The following ARFGEF3 variants were observed in gnomAD, a reference collection of about 807,000 sequenced individuals.
ARFGEF3 encodes the protein ARFGEF family member 3, also known as brefeldin A-inhibited guanine nucleotide-exchange protein 3.
ARFGEF3 carries 96 observed loss-of-function variants against 221.7 expected under a neutral mutation model. That is an observed-to-expected ratio of 0.43 (90% confidence interval 0.37 to 0.51). The LOEUF (loss-of-function observed/expected upper bound fraction) is 0.51, where lower values mean the gene tolerates loss of function less well. Ranked by LOEUF, ARFGEF3 falls within the 20% of genes least tolerant of loss-of-function variation. The pLI, the probability that ARFGEF3 is intolerant of heterozygous loss-of-function variation, is 0.00. For missense variants in ARFGEF3, 2,410 were observed against 2,789.9 expected, an observed-to-expected ratio of 0.86 and a Z score of 3.07; for synonymous variants, 1,145 against 1,126.8, an observed-to-expected ratio of 1.02 and a Z score of -0.32.
chr6:138,219,868 A>G (rs184763795), intron 4 of ARFGEF3, among the ~76,000 whole-genome samples: 2 of 152,320 alleles, frequency 1.3e-5, no homozygotes, highest in African/African-American at 4.8e-5. Flanking sequence ...CATTATGGGC[A>G]TTCCAAAAGA....
At chr6:138,181,321 A>G (rs1777076175) in intron 2 of ARFGEF3, among the ~76,000 whole-genome samples, 1 of 152,190 alleles carries the variant, frequency 6.6e-6, no homozygotes, top group Non-Finnish European at 1.5e-5. Flanking sequence ...ATGGCCACTC[A>G]TCCTCTCTTT....
At chr6:138,225,119 A>G (rs1410079706) in intron 4 of ARFGEF3, among the ~76,000 whole-genome samples, 14 of 152,198 alleles carry the variant, frequency 9.2e-5, no homozygotes, top group Non-Finnish European at 5.9e-5. Flanking sequence ...TGCCACGGGA[A>G]CAACTAGGAT....
intron 4 of ARFGEF3, among the ~76,000 whole-genome samples, chr6:138,213,412 C>A (rs964962743): frequency 6.7e-6 from 1 of 150,214 alleles, no homozygotes; most frequent in African/African-American, 2.5e-5. Context: ...GAGCCGAGAT[C>A]GTACCACTGC....
chr6:138,336,532 A>G lies in ARFGEF3; in HGVS notation c.*46A>G. The G allele has an allele frequency of 6.7e-7, 1 of 1,497,650 alleles. No homozygotes were observed. Among genetic ancestry groups the G allele is most frequent in the South Asian group, 1.3e-5 (1 of 77,422 alleles). The allele number at this position is 1,497,650 out of a possible 1,614,324, so 92.8% of individuals were successfully genotyped here. ...CCACCAAATAACAGTAGTGAGGGTT[A>G]GAGTCCTGCCAATACAGCTGTTGCA... is the stretch of plus-strand genomic sequence containing the variant. On this transcript the variant is annotated 3_prime_UTR_variant, in exon 34 of 34. Coordinates refer to ENST00000251691, the MANE Select transcript of ARFGEF3 (RefSeq NM_020340.5).
At chr6:138,331,673 C>A (rs1780229876) in intron 32 of ARFGEF3, among the ~76,000 whole-genome samples, 1 of 152,218 alleles carries the variant, frequency 6.6e-6, no homozygotes, top group African/African-American at 2.4e-5. Context: ...AGTCTGGAGG[C>A]TGGCTTTCCT....
chr6:138,265,610 G>T (rs1255289550), intron 12 of ARFGEF3, among the ~76,000 whole-genome samples: 1 of 151,952 alleles, frequency 6.6e-6, no homozygotes, highest in Non-Finnish European at 1.5e-5. Flanking sequence ...TGTGTTTTGT[G>T]CATGTTTGTG....
chr6:138,195,567 CA>C (rs1225056831), intron 2 of ARFGEF3, among the ~76,000 whole-genome samples: 5 of 151,898 alleles, frequency 3.3e-5, no homozygotes, highest in Non-Finnish European at 5.9e-5. Flanking sequence ...TTTCCTGTGT[CA>C]AAAAAACTTT....
chr6:138,206,194 G>A (rs1777622137), intron 2 of ARFGEF3, among the ~76,000 whole-genome samples: 2 of 152,166 alleles, frequency 1.3e-5, no homozygotes, highest in Admixed American at 6.5e-5. Context: ...GGGAAATAAT[G>A]GGTTGATTAA....
rs1359899084 is a variant in ARFGEF3, at chr6:138,255,390, C to G, written c.771-46C>G. ...TGTTTACTCGCAGAGTAAATTTTAT[C>G]ATTTGGCTCGTGGGGAAAGTTACTT... On this transcript the variant is annotated intron_variant, in intron 9 of 33. Coordinates refer to ENST00000251691, the MANE Select transcript of ARFGEF3 (RefSeq NM_020340.5). 7 of 1,408,176 alleles carry G rather than the reference C, an allele frequency of 5.0e-6. No individual in the cohort carries two copies. In the African/African-American group the frequency reaches 1.0e-4, roughly 20 times the overall value. 87.2% of individuals were successfully genotyped at this position (1,408,176 alleles called of 1,614,324 possible). A position where few individuals can be genotyped will look rare whatever the true frequency, so the allele number is the denominator to read the frequency against.
At chr6:138,210,783 A>G (rs1252439603) in intron 4 of ARFGEF3, among the ~76,000 whole-genome samples, 2 of 152,226 alleles carry the variant, frequency 1.3e-5, no homozygotes, top group Non-Finnish European at 2.9e-5. Flanking sequence ...ATGTTGAGAA[A>G]TATTCAGGAA....
intron 4 of ARFGEF3, among the ~76,000 whole-genome samples, chr6:138,221,688 T>C (rs956064518): frequency 1.3e-5 from 2 of 148,292 alleles, no homozygotes; most frequent in Non-Finnish European, 3.0e-5. Flanking sequence ...TTTCTGTGAC[T>C]ATCACTGTTA....
At position 138,280,034 on chromosome 6, in the gene ARFGEF3, G is replaced by A. The variant is rs938033459; in HGVS notation, c.2331G>A (p.Val777=). 9.3e-6 allele frequency: 15 copies of A among 1,613,834 alleles called. No homozygotes were observed. The highest frequency in any genetic ancestry group is 1.3e-5 in the African/African-American group (1 of 74,936). Residue 777 remains valine (V), a synonymous_variant, in exon 14 of 34, where the codon GTG becomes GTA. Coordinates refer to ENST00000251691, the MANE Select transcript of ARFGEF3 (RefSeq NM_020340.5). ...TGAAGCAGGTGCAGACCAGCGGCGT[G>A]CTGATGGTCTTCTCTCAGGCCTGGA... ...DFMKQVQTSG[V]LMVFSQAWIE...
chr6:138,255,926 G>A (rs921999013), intron 10 of ARFGEF3, among the ~76,000 whole-genome samples, 157 bp downstream of exon 10: 11 of 152,174 alleles, frequency 7.2e-5, no homozygotes, highest in South Asian at 6.2e-4. Context: ...GAGTCAGTGC[G>A]TGTGTACATG....
chr6:138,287,438 G>A (rs1370519280), intron 17 of ARFGEF3, among the ~76,000 whole-genome samples: 1 of 152,218 alleles, frequency 6.6e-6, no homozygotes, highest in Non-Finnish European at 1.5e-5. Context: ...AGGCCCAGGG[G>A]GACCCACCTG....
chr6:138,179,968 C>G (rs537727162), intron 2 of ARFGEF3, among the ~76,000 whole-genome samples: 1 of 152,096 alleles, frequency 6.6e-6, no homozygotes, highest in Non-Finnish European at 1.5e-5. Flanking sequence ...TGGCACCATG[C>G]CCAGTTAATT....
chr6:138,239,031 G>C lies in ARFGEF3; in HGVS notation c.543+400G>C, dbSNP rs181334671. 2.3e-4 allele frequency among the ~76,000 whole-genome samples: 35 copies of C among 152,302 alleles called. No homozygotes were observed. The East Asian group carries it at 5.6e-3, about 24-fold the overall frequency. On this transcript the variant is annotated intron_variant, in intron 6 of 33. Transcript: ENST00000251691. Reference sequence around the variant, plus strand: ...GTATGTTTCCCTTTGTTAACTAAAAGATGGTGGCAGGAGGCCTCCTTCACC... The same window carrying C: ...GTATGTTTCCCTTTGTTAACTAAAACATGGTGGCAGGAGGCCTCCTTCACC...
chr6:138,240,214 G>A (rs1778368992), intron 6 of ARFGEF3, among the ~76,000 whole-genome samples: 1 of 151,942 alleles, frequency 6.6e-6, no homozygotes, highest in Non-Finnish European at 1.5e-5. Context: ...TACATAAATA[G>A]AAAATAAGAG....
chr6:138,258,516 T>C (rs1554254141), intron 10 of ARFGEF3, among the ~76,000 whole-genome samples: 1 of 152,224 alleles, frequency 6.6e-6, no homozygotes, highest in Non-Finnish European at 1.5e-5. Flanking sequence ...AAAATCCTTG[T>C]CCTTCATGGT....
intron 32 of ARFGEF3, among the ~76,000 whole-genome samples, chr6:138,330,545 C>G (rs1780209956): frequency 1.3e-5 from 2 of 152,198 alleles, no homozygotes; most frequent in African/African-American, 4.8e-5. Context: ...TGGCTCATGC[C>G]TGTAATCCCA....
Sources: allele counts gnomAD v4.1 joint callset (sites outside exome capture counted in the v4.1 genomes callset), GRCh38; gene constraint gnomAD v4.1.1; transcripts MANE v1.5; gene names NCBI Gene and HGNC (gene_info 2026-07-23, HGNC 2026-07-21).